Variants in PCDHA1 observed in about 807,000 individuals in gnomAD.
PCDHA1 encodes protocadherin alpha-1.
PCDHA1 carries 42 observed loss-of-function variants against 61.3 expected under a neutral mutation model. The ratio of observed to expected loss-of-function variants is 0.69; its 90% CI spans 0.54 to 0.89. The LOEUF is 0.89. PCDHA1 is among the 40% of genes least tolerant of loss of function. PCDHA1 has a pLI of 0.00. For synonymous variants in PCDHA1, 610 were observed against 553.8 expected, an observed-to-expected ratio of 1.10 and a Z score of -1.43; for missense variants, 1,256 against 1,235.3, an observed-to-expected ratio of 1.02 and a Z score of -0.25.
At chr5:140,873,861 A>AT (rs1198117759) in intron 1 of PCDHA1, among the ~76,000 whole-genome samples, 1 of 152,162 alleles carries the variant, frequency 6.6e-6, no homozygotes, top group Non-Finnish European at 1.5e-5. Context: ...GGTTTTCACC[A>AT]TGTTGGCCAG....
chr5:141,002,494 C>CGGT (rs2098083464), intron 3 of PCDHA1, among the ~76,000 whole-genome samples: 1 of 152,228 alleles, frequency 6.6e-6, no homozygotes, highest in Admixed American at 6.5e-5. Flanking sequence ...CCTTGTTATA[C>CGGT]AGCTCAGGAT....
At chr5:140,821,186 GA>G (rs1457937016) in intron 1 of PCDHA1, among the ~76,000 whole-genome samples, 5 of 152,042 alleles carry the variant, frequency 3.3e-5, no homozygotes, top group African/African-American at 1.2e-4. Flanking sequence ...GACTAATACA[GA>G]AAAAACTCAA....
At chr5:140,790,628 A>T (rs1312674207) in intron 1 of PCDHA1, among the ~76,000 whole-genome samples, 4 of 152,348 alleles carry the variant, frequency 2.6e-5, no homozygotes, top group Non-Finnish European at 5.9e-5. Context: ...ACTTTGCAGG[A>T]TTATAAAATT....
chr5:140,902,846 A>C (rs1119032), intron 1 of PCDHA1, among the ~76,000 whole-genome samples: 2 of 152,088 alleles, frequency 1.3e-5, no homozygotes, highest in African/African-American at 2.4e-5. Context: ...CTTCACTTAG[A>C]AAAATGGCGT....
intron 1 of PCDHA1, among the ~76,000 whole-genome samples, chr5:140,964,683 G>T (rs2095848322): frequency 6.6e-6 from 1 of 151,914 alleles, no homozygotes; most frequent in South Asian, 2.1e-4. Flanking sequence ...CACAATTTGT[G>T]CACTTGAGAG....
At chr5:140,812,232 G>A (rs1320284400) in intron 1 of PCDHA1, 1 of 151,718 alleles carries the variant, frequency 6.6e-6, no homozygotes, top group Non-Finnish European at 1.5e-5. Flanking sequence ...TTATGATTAT[G>A]TCTTGGTAGT....
chr5:140,795,444 A>G (rs1554119440), intron 1 of PCDHA1: 1 of 1,614,206 alleles, frequency 6.2e-7, no homozygotes. Flanking sequence ...CATCTGATGC[A>G]GATATAGGAG....
At chr5:140,830,446 G>A in intron 1 of PCDHA1, 2 of 1,603,094 alleles carry the variant, frequency 1.2e-6, no homozygotes, top group Non-Finnish European at 1.7e-6. Flanking sequence ...TGATGGGTAA[G>A]GCGGAGAATC....
rs1386939569 is a variant in PCDHA1 at position 140,856,853 on chromosome 5, G to C, written c.2394+68169G>C. The C allele has an allele frequency of 6.9e-6, 11 of 1,594,152 alleles. 1 individual carries two copies. The highest frequency in any genetic ancestry group is 9.4e-6 in the Non-Finnish European group (11 of 1,164,260). ...AATACGGCTCAACGCTTCTGATTCG[G>C]ATGAAGGAATAAACAAGGAAATGAT... On this transcript the variant is annotated intron_variant, in intron 1 of 3. Coordinates refer to ENST00000504120, the MANE Select transcript of PCDHA1 (RefSeq NM_018900.4).
At chr5:140,850,961 G>A in intron 1 of PCDHA1, 1 of 1,476,304 alleles carries the variant, frequency 6.8e-7, no homozygotes, top group Non-Finnish European at 9.1e-7. Flanking sequence ...TACTCCCAGG[G>A]GCCGTTCAAA....
chr5:140,850,912 T>G (rs2150501930), intron 1 of PCDHA1: 2 of 1,541,844 alleles, frequency 1.3e-6, no homozygotes, highest in South Asian at 2.5e-5. Context: ...AGCATTTTAT[T>G]TATTTATATA....
intron 1 of PCDHA1, among the ~76,000 whole-genome samples, chr5:140,976,481 G>A (rs549195125): frequency 6.6e-6 from 1 of 152,160 alleles, no homozygotes; most frequent in South Asian, 2.1e-4. Flanking sequence ...AATCCGGGAG[G>A]CAGAGGTTGC....
chr5:140,858,650 T>G, intron 1 of PCDHA1: 2 of 822,762 alleles, frequency 2.4e-6, no homozygotes, highest in South Asian at 3.9e-5. Context: ...GGTACTTAAA[T>G]TTTTTTAAAT....
intron 1 of PCDHA1, among the ~76,000 whole-genome samples, chr5:140,973,570 T>C (rs1211629419): frequency 6.6e-6 from 1 of 152,232 alleles, no homozygotes; most frequent in Non-Finnish European, 1.5e-5. Flanking sequence ...CCTCAATTTT[T>C]CTACAGACTG....
chr5:140,857,468 T>C lies in PCDHA1; in HGVS notation c.2394+68784T>C. The C allele has an allele frequency of 1.3e-6, 2 of 1,598,520 alleles. 1 individual carries two copies. Among genetic ancestry groups the C allele is most frequent in the Non-Finnish European group, 1.7e-6 (2 of 1,167,858 alleles). The stretch of plus-strand genomic sequence containing the variant: ...GAACAACCCGCCAGGCTGCCACATC[T>C]TCACGGTGTCTGCGTGGGACGCGGA... On this transcript the variant is annotated intron_variant, in intron 1 of 3. Transcript: ENST00000504120.
rs543390372 is a variant in PCDHA1 at position 140,900,669 on chromosome 5, A to G, written c.2395-78280A>G. 4.8e-4 allele frequency among the ~76,000 whole-genome samples: 73 copies of G among 152,334 alleles called. 1 individual carries two copies. The highest frequency in any genetic ancestry group is 1.5e-3 in the South Asian group (7 of 4,824). On this transcript the variant is annotated intron_variant, in intron 1 of 3. Transcript: ENST00000504120. ...CTGCTGCAATGAACAATGGGAGTGC[A>G]GTTATCTCTTCAATATACTGATTTC...
At chr5:140,871,552 AGT>A in intron 1 of PCDHA1, 1 of 1,493,376 alleles carries the variant, frequency 6.7e-7, no homozygotes, top group Non-Finnish European at 8.9e-7. Context: ...TTTAAAATCC[AGT>A]TTTTTTTCAC....
chr5:140,869,279 T>C, intron 1 of PCDHA1: 1 of 1,613,596 alleles, frequency 6.2e-7, no homozygotes, highest in Non-Finnish European at 8.5e-7. Context: ...CTGGCGGAGC[T>C]GGTGCAGCGC....
intron 1 of PCDHA1, chr5:140,797,098 G>T: frequency 1.2e-6 from 2 of 1,614,008 alleles, no homozygotes; most frequent in Non-Finnish European, 1.7e-6. Context: ...CAGCCTGTTG[G>T]TGCTCACGGT....
Sources: gnomAD v4.1 joint callset for allele counts (sites outside exome capture counted in the v4.1 genomes callset) on GRCh38, gnomAD v4.1.1 for gene constraint, MANE v1.5 for transcripts, NCBI Gene and HGNC (gene_info 2026-07-23, HGNC 2026-07-21) for gene names.